The following NEK9 variants were observed in gnomAD, a reference collection of about 807,000 sequenced individuals.
NEK9 encodes the protein NIMA related kinase 9.
In NEK9, 75 loss-of-function variants were observed where a neutral mutation model predicts 123.4. The observed-to-expected ratio is 0.61, with a 90% CI of 0.50 to 0.74. The LOEUF is 0.74. Among genes scored for constraint, NEK9 ranks in the 30% least tolerant of loss-of-function variants. The pLI, the probability that NEK9 is intolerant of heterozygous loss-of-function variation, is 0.00. For missense variants in NEK9, 952 were observed against 1,214.4 expected (o/e 0.78, Z 3.21); for synonymous variants, 438 against 458.7 (o/e 0.95, Z 0.58).
At chr14:75,092,430 C>A (rs989974005) in intron 18 of NEK9, among the ~76,000 whole-genome samples, 2 of 151,932 alleles carry the variant, frequency 1.3e-5, no homozygotes, top group African/African-American at 4.8e-5. Flanking sequence ...CCATGCCTGG[C>A]TAATTTTTGT....
rs546925019 is a variant in NEK9 at position 75,084,553 on chromosome 14, G to A, written c.*11C>T. 2 of 1,613,982 alleles carry A rather than the reference G, an allele frequency of 1.2e-6. No individual in the cohort carries two copies. Among genetic ancestry groups the A allele is most frequent in the South Asian group, 2.2e-5 (2 of 91,072 alleles). On this transcript the variant is annotated 3_prime_UTR_variant, in exon 22 of 22. Coordinates refer to ENST00000238616, the MANE Select transcript of NEK9 (RefSeq NM_033116.6). ...GTCCCAGTCTCCTGGGGGCTCTACA[G>A]GCTCAGGAGACTAGAGGCTGGGTCT...
chr14:75,111,439 T>C (rs143556066), intron 8 of NEK9, among the ~76,000 whole-genome samples: 3 of 152,372 alleles, frequency 2.0e-5, no homozygotes, highest in Non-Finnish European at 2.9e-5. Flanking sequence ...CCTGTGTCTA[T>C]GATTTTGTTT....
Position 75,091,273 on chromosome 14 carries a change from T to G in NEK9, c.2439A>C (p.Arg813=), listed in dbSNP as rs376455914. ...GASSSCPGWL[R]KELENAEFIP... is the part of the protein sequence containing the mutation. The stretch of plus-strand genomic sequence containing the variant: ...TTACTTCTTCCAAAGGAATTACCTT[T>G]CGAAGCCAGCCAGGACAGGAGCTGC... The change falls in exon 19 of 22, where the codon CGA becomes CGC. Residue 813 remains arginine, a synonymous_variant. Transcript: ENST00000238616. The G allele has an allele frequency of 5.6e-6, 9 of 1,606,380 alleles. No individual in the cohort carries two copies. Among genetic ancestry groups the G allele is most frequent in the Admixed American group, 5.2e-5 (3 of 58,142 alleles).
chr14:75,108,403 G>A (rs1894848384), intron 10 of NEK9, among the ~76,000 whole-genome samples: 1 of 151,862 alleles, frequency 6.6e-6, no homozygotes, highest in Non-Finnish European at 1.5e-5. Flanking sequence ...TGAGATTACA[G>A]GTGTAAGCCA....
In NEK9 at chr14:75,124,106, C is replaced by T; in HGVS notation, c.337G>A (p.Ala113Thr). The change falls in exon 2 of 22, where the codon GCC (alanine) becomes ACC (threonine). Residue 113 changes from alanine (A) to threonine (T), a missense_variant. Around this residue, in one of 4 missense-constraint regions of NEK9, gnomAD observed 106 missense variants for 153.0 expected, o/e 0.69. Coordinates refer to ENST00000238616, the MANE Select transcript of NEK9 (RefSeq NM_033116.6). ...LALLQHDNII[A>T]YYNHFMDNTT... ...TTGTCCATGAAGTGATTGTAGTAGG[C>T]AATAATGTTGTCGTGCTGCAGCAGT... is the stretch of plus-strand genomic sequence containing the variant. 1 of 1,614,064 alleles carries T rather than the reference C, an allele frequency of 6.2e-7. No homozygotes were observed. The highest frequency in any genetic ancestry group is 1.3e-5 in the African/African-American group (1 of 75,050).
chr14:75,089,239 ATT>A (rs572058058), intron 19 of NEK9, among the ~76,000 whole-genome samples: 67 of 150,644 alleles, frequency 4.4e-4, no homozygotes, highest in African/African-American at 1.5e-3. Flanking sequence ...GCTAATTATT[ATT>A]TTTTTGAGAC....
chr14:75,097,032 AACAGT>A (rs376673993), intron 17 of NEK9, 63 bp downstream of exon 17: 723 of 1,429,510 alleles, frequency 5.1e-4, no homozygotes, highest in Non-Finnish European at 6.7e-4. Flanking sequence ...CAATGTGACT[AACAGT>A]ACTCAGATGT....
intron 17 of NEK9, among the ~76,000 whole-genome samples, chr14:75,095,971 G>A (rs1894368761): frequency 6.6e-6 from 1 of 152,128 alleles, no homozygotes; most frequent in Non-Finnish European, 1.5e-5. Flanking sequence ...CAGGGATAGG[G>A]TCTGGACCGT....
intron 10 of NEK9, among the ~76,000 whole-genome samples, chr14:75,108,291 AT>A (rs1203943553): frequency 1.3e-5 from 2 of 151,750 alleles, no homozygotes; most frequent in Non-Finnish European, 2.9e-5. Flanking sequence ...CGCCTGGCTA[AT>A]TTTTTGTATG....
chr14:75,097,031 T>C (rs1894408793), intron 17 of NEK9, 69 bp downstream of exon 17: 1 of 1,429,382 alleles, frequency 7.0e-7, no homozygotes, highest in Non-Finnish European at 9.5e-7. Context: ...ACAATGTGAC[T>C]AACAGTACTC....
intron 16 of NEK9, among the ~76,000 whole-genome samples, chr14:75,099,038 A>G (rs1168551608): frequency 6.6e-6 from 1 of 152,238 alleles, no homozygotes; most frequent in Non-Finnish European, 1.5e-5. Flanking sequence ...GTTTATTTAA[A>G]TATGGTAACA....
At position 75,088,511 on chromosome 14, in the gene NEK9, G is replaced by A; in HGVS notation, c.2573C>T (p.Pro858Leu). 6.2e-7 allele frequency: 1 copy of A among 1,614,056 alleles called. No homozygotes were observed. Among genetic ancestry groups the A allele is most frequent in the South Asian group, 1.1e-5 (1 of 91,066 alleles). Residue 858 changes from proline (P) to leucine (L), a missense_variant, in exon 20 of 22, where the codon CCT becomes CTT. Physicochemically the swap from Pro to Leu is moderately conservative, Grantham distance 98. Transcript: ENST00000238616. ...TTCTACTTGGGGTTTGTGTTCCAAA[G>A]GAGCTTCAGAGGCCACTTTGAGTCC... ...LQGLKVASEA[P>L]LEHKPQVEAS...
At chr14:75,116,061 C>T (rs1414609447) in intron 6 of NEK9, among the ~76,000 whole-genome samples, 2 of 151,940 alleles carry the variant, frequency 1.3e-5, no homozygotes, top group Non-Finnish European at 2.9e-5. Context: ...AAAACCACAG[C>T]TATATAAAAA....
intron 1 of NEK9, 73 bp downstream of exon 1, chr14:75,126,630 G>A (rs756717395): frequency 3.3e-6 from 4 of 1,214,130 alleles, no homozygotes; most frequent in Non-Finnish European, 4.3e-6. Flanking sequence ...CGCTGGGAAA[G>A]CGGGGCCGAG....
chr14:75,113,248 G>A (rs550107789), intron 8 of NEK9, 91 bp downstream of exon 8: 22 of 997,106 alleles, frequency 2.2e-5, no homozygotes, highest in Non-Finnish European at 3.4e-5. Context: ...ACCAAGTCAG[G>A]AAACACTACT....
rs1245066537 is a variant in NEK9, at chr14:75,083,284, T to C, written c.*1280A>G. On this transcript the variant is annotated 3_prime_UTR_variant, in exon 22 of 22. Transcript: ENST00000238616. The stretch of plus-strand genomic sequence containing the variant: ...AAAGCTCACATCCTTAAGGAAACCA[T>C]CAAATACTTGCCTAGAACTTTCTAT... 1 of 395,496 alleles carries C rather than the reference T, an allele frequency of 2.5e-6. No homozygotes were observed. Among genetic ancestry groups the C allele is most frequent in the Non-Finnish European group, 4.5e-6 (1 of 224,718 alleles). 24.5% of individuals were successfully genotyped at this position (395,496 alleles called of 1,614,324 possible). A position where few individuals can be genotyped will look rare whatever the true frequency, so the allele number is the denominator to read the frequency against.
At chr14:75,118,502 G>A (rs1237157252) in intron 5 of NEK9, among the ~76,000 whole-genome samples, 1 of 152,178 alleles carries the variant, frequency 6.6e-6, no homozygotes, top group African/African-American at 2.4e-5. Context: ...AAAACAAAGA[G>A]ATGTCTAACA....
At chr14:75,103,535 C>A (rs1166955830) in intron 14 of NEK9, among the ~76,000 whole-genome samples, 1 of 152,144 alleles carries the variant, frequency 6.6e-6, no homozygotes, top group African/African-American at 2.4e-5. Context: ...CATTACAGAT[C>A]AAGATATAGA....
chr14:75,101,850 G>C, intron 14 of NEK9, 85 bp from the exon 15 acceptor site: 1 of 914,378 alleles, frequency 1.1e-6, no homozygotes. Flanking sequence ...AAGTCCTGGT[G>C]ACCAAAAGGC....
Sources: gnomAD v4.1 joint callset for allele counts (sites outside exome capture counted in the v4.1 genomes callset) on GRCh38, gnomAD v4.1.1 for gene constraint, gnomAD v4.1.1 regional missense constraint, MANE v1.5 for transcripts, NCBI Gene and HGNC (gene_info 2026-07-23, HGNC 2026-07-21) for gene names.